The following CSMD1 variants were observed in gnomAD, a reference collection of about 807,000 sequenced individuals.
CSMD1 encodes CUB and sushi domain-containing protein 1.
CSMD1 carries 213 observed loss-of-function variants against 417.5 expected under a neutral mutation model. The ratio of observed to expected loss-of-function variants is 0.51; its 90% CI spans 0.46 to 0.57. The LOEUF (loss-of-function observed/expected upper bound fraction) is 0.57. Among genes scored for constraint, CSMD1 ranks in the 20% least tolerant of loss-of-function variants. The probability of loss-of-function intolerance (pLI) is 0.00; values close to 1 mark genes in which losing one functional copy is unlikely to be tolerated. For synonymous variants in CSMD1, 2,862 were observed against 1,736.8 expected (o/e 1.65, Z -16.11); for missense variants, 6,923 against 4,529.7 (o/e 1.53, Z -15.17).
intron 3 of CSMD1, among the ~76,000 whole-genome samples, chr8:4,259,515 A>G (rs1803723281): frequency 7.1e-6 from 1 of 140,502 alleles, no homozygotes; most frequent in African/African-American, 2.6e-5. Flanking sequence ...ATCCTTCAAC[A>G]AAGTTCGAGT....
chr8:2,978,451 T>C (rs1253139747), intron 55 of CSMD1, among the ~76,000 whole-genome samples, 161 bp downstream of exon 55: 1 of 152,216 alleles, frequency 6.6e-6, no homozygotes, highest in Non-Finnish European at 1.5e-5. Flanking sequence ...TGGTGATTTC[T>C]GGCCACTCGA....
Position 3,568,958 on chromosome 8 carries a change from C to T in CSMD1, c.1344+5987G>A, listed in dbSNP as rs60296237. Among the ~76,000 whole-genome samples the T allele has an allele frequency of 8.5e-3, 1,298 of 152,230 alleles. 17 individuals are homozygous for T. Among genetic ancestry groups the T allele is most frequent in the African/African-American group, 0.03 (1,239 of 41,538 alleles). On this transcript the variant is annotated intron_variant, in intron 10 of 69. Transcript: ENST00000635120. The stretch of plus-strand genomic sequence containing the variant: ...ATCTTAATTACTATAACACATGTCT[C>T]ACAATATATATTACTTTTTCAAGAA...
intron 10 of CSMD1, among the ~76,000 whole-genome samples, chr8:3,503,764 G>A (rs1405911905): frequency 6.6e-6 from 1 of 152,098 alleles, no homozygotes; most frequent in Non-Finnish European, 1.5e-5. Context: ...CAGCCCACCT[G>A]TGGTTTCAAA....
At chr8:3,578,525 C>T (rs530610025) in intron 9 of CSMD1, among the ~76,000 whole-genome samples, 18 of 152,152 alleles carry the variant, frequency 1.2e-4, no homozygotes, top group Non-Finnish European at 2.1e-4. Context: ...GTTGCTTTGT[C>T]GCCTATTGGG....
chr8:3,955,356 A>C (rs748411777), intron 5 of CSMD1, among the ~76,000 whole-genome samples: 33 of 152,166 alleles, frequency 2.2e-4, no homozygotes, highest in Non-Finnish European at 3.8e-4. Flanking sequence ...CAAAAACCAT[A>C]CATCCCTCAT....
At chr8:4,598,645 A>G (rs2617094) in intron 2 of CSMD1, among the ~76,000 whole-genome samples, 126,705 of 152,154 alleles carry the variant, frequency 0.83, 53,025 homozygotes, top group Non-Finnish European at 0.87. Flanking sequence ...TAACTATGCT[A>G]GGAATCTAGA....
At chr8:4,699,309 T>C (rs1413812016) in intron 1 of CSMD1, among the ~76,000 whole-genome samples, 1 of 152,156 alleles carries the variant, frequency 6.6e-6, no homozygotes, top group African/African-American at 2.4e-5. Flanking sequence ...TCTAGCAGAG[T>C]GCTTTACTTC....
At chr8:4,440,046 A>G (rs1014790369) in intron 2 of CSMD1, among the ~76,000 whole-genome samples, 16 of 152,172 alleles carry the variant, frequency 1.1e-4, no homozygotes, top group Non-Finnish European at 5.9e-5. Flanking sequence ...TATATCTAAA[A>G]TAGCAGTGAT....
chr8:4,829,360 AAC>A (rs1181313852), intron 1 of CSMD1, among the ~76,000 whole-genome samples: 1 of 152,202 alleles, frequency 6.6e-6, no homozygotes, highest in African/African-American at 2.4e-5. Flanking sequence ...TATACTGGGC[AAC>A]ACTCTGCTAA....
At chr8:4,658,970 T>C (rs1195101193) in intron 1 of CSMD1, among the ~76,000 whole-genome samples, 2 of 152,114 alleles carry the variant, frequency 1.3e-5, no homozygotes, top group Non-Finnish European at 2.9e-5. Context: ...GTAATGTCTG[T>C]GGTAACCACG....
chr8:4,814,278 T>C (rs1271869104), intron 1 of CSMD1, among the ~76,000 whole-genome samples: 1 of 152,086 alleles, frequency 6.6e-6, no homozygotes, highest in Non-Finnish European at 1.5e-5. Context: ...GGAGATTCGC[T>C]CTTAATGGCC....
chr8:4,586,729 G>T lies in CSMD1; in HGVS notation c.302+50613C>A, dbSNP rs181461722. 1.5e-3 allele frequency among the ~76,000 whole-genome samples: 226 copies of T among 152,290 alleles called. 1 individual carries two copies. Among genetic ancestry groups the T allele is most frequent in the Non-Finnish European group, 1.8e-3 (124 of 68,028 alleles). ...ATTCCTTAAAGCATCATGCCTGTGA[G>T]AGAGATCCTCCATGAATAGCTGTGC... is the stretch of plus-strand genomic sequence containing the variant. On this transcript the variant is annotated intron_variant, in intron 2 of 69. Coordinates refer to ENST00000635120, the MANE Select transcript of CSMD1 (RefSeq NM_033225.6).
chr8:3,955,532 G>A (rs1811883078), intron 5 of CSMD1, among the ~76,000 whole-genome samples: 1 of 152,142 alleles, frequency 6.6e-6, no homozygotes, highest in Non-Finnish European at 1.5e-5. Flanking sequence ...TAATAAGTCA[G>A]TAGAGGATTT....
chr8:3,723,925 T>C (rs1183074574), intron 6 of CSMD1, among the ~76,000 whole-genome samples: 1 of 152,206 alleles, frequency 6.6e-6, no homozygotes, highest in Non-Finnish European at 1.5e-5. Context: ...AGATTCCATT[T>C]TGTAGCTAAC....
At chr8:4,861,738 A>G (rs749004612) in intron 1 of CSMD1, among the ~76,000 whole-genome samples, 6 of 152,142 alleles carry the variant, frequency 3.9e-5, no homozygotes, top group African/African-American at 7.2e-5. Flanking sequence ...TAAAGAATGT[A>G]CAAAGGATGT....
intron 50 of CSMD1, among the ~76,000 whole-genome samples, chr8:3,044,235 G>A (rs753198954): frequency 3.3e-5 from 5 of 152,188 alleles, no homozygotes; most frequent in Non-Finnish European, 5.9e-5. Context: ...TGACACTACT[G>A]ATGTGTCAAT....
At chr8:3,497,092 G>GT (rs1563094378) in intron 10 of CSMD1, among the ~76,000 whole-genome samples, 2 of 152,298 alleles carry the variant, frequency 1.3e-5, no homozygotes, top group South Asian at 2.1e-4. Flanking sequence ...TTCATACCAT[G>GT]TACTGATGAG....
intron 5 of CSMD1, among the ~76,000 whole-genome samples, chr8:3,883,248 C>G (rs752959785): frequency 6.6e-6 from 1 of 152,090 alleles, no homozygotes; most frequent in East Asian, 1.9e-4. Flanking sequence ...TAATTTTCCT[C>G]ATATTAAATA....
intron 26 of CSMD1, among the ~76,000 whole-genome samples, chr8:3,232,398 C>G (rs965274243): frequency 2.6e-5 from 4 of 152,158 alleles, no homozygotes; most frequent in African/African-American, 9.7e-5. Context: ...TGGGAGTCAT[C>G]TACATTTAGG....
Sources: gnomAD v4.1 joint callset for allele counts (sites outside exome capture counted in the v4.1 genomes callset) on GRCh38, gnomAD v4.1.1 for gene constraint, MANE v1.5 for transcripts, NCBI Gene and HGNC (gene_info 2026-07-23, HGNC 2026-07-21) for gene names.